The following SEMA3D variants were observed in gnomAD, a reference collection of about 807,000 sequenced individuals.
SEMA3D encodes the protein semaphorin-3D.
In SEMA3D, 84 loss-of-function variants were observed where a neutral mutation model predicts 100.1. That is an observed-to-expected ratio of 0.84 (90% CI 0.70 to 1.01). SEMA3D has a LOEUF of 1.01. Among genes scored for constraint, SEMA3D ranks in the 50% least tolerant of loss-of-function variants. SEMA3D has a pLI of 0.00. For synonymous variants in SEMA3D, 312 were observed against 320.7 expected, an observed-to-expected ratio of 0.97 and a Z score of 0.29; for missense variants, 875 against 934.1, an observed-to-expected ratio of 0.94 and a Z score of 0.82.
At chr7:85,213,099 T>A in the SEMA3D span, among the ~76,000 whole-genome samples, 5 of 152,048 alleles carry the variant, frequency 3.3e-5, no homozygotes, top group South Asian at 1.0e-3. Context: ...TTTTCCCAGG[T>A]GTTAAGCAAT....
At chr7:85,042,436 GA>G (rs1309140274) in intron 9 of SEMA3D, 151 bp from the exon 10 acceptor site, 1 of 614,592 alleles carries the variant, frequency 1.6e-6, no homozygotes, top group East Asian at 2.7e-5. Context: ...TTAAAATAAG[GA>G]AAAAGACAGT....
chr7:85,160,102 TA>T (rs1230063385), intron 1 of SEMA3D: 10 of 906,834 alleles, frequency 1.1e-5, no homozygotes, highest in Non-Finnish European at 1.3e-5. Context: ...TCCACTTTGA[TA>T]AAATTGAGTT....
At chr7:85,244,137 C>T in the SEMA3D span, among the ~76,000 whole-genome samples, 1 of 152,154 alleles carries the variant, frequency 6.6e-6, no homozygotes, top group Non-Finnish European at 1.5e-5. Context: ...ATGGAACTGG[C>T]ATCTGCTTAG....
At chr7:85,157,406 T>C (rs755748913) in intron 1 of SEMA3D, among the ~76,000 whole-genome samples, 3 of 152,166 alleles carry the variant, frequency 2.0e-5, no homozygotes, top group Non-Finnish European at 2.9e-5. Context: ...CCTGGAAAGA[T>C]GCTTTTATAA....
At chr7:85,135,694 G>GA (rs1397399732) in intron 2 of SEMA3D, among the ~76,000 whole-genome samples, 3 of 141,648 alleles carry the variant, frequency 2.1e-5, no homozygotes, top group Non-Finnish European at 4.6e-5. Flanking sequence ...CATTAAAAAA[G>GA]AAAAAATTAG....
chr7:85,121,659 T>C, intron 3 of SEMA3D, 82 bp downstream of exon 3: 2 of 793,668 alleles, frequency 2.5e-6, no homozygotes, highest in Non-Finnish European at 3.9e-6. Context: ...TCAATATGCT[T>C]TTCTAAAAAG....
chr7:85,035,592 A>G (rs188105006), intron 12 of SEMA3D, among the ~76,000 whole-genome samples: 27 of 152,112 alleles, frequency 1.8e-4, no homozygotes, highest in African/African-American at 6.3e-4. Flanking sequence ...AGGGAGCAAA[A>G]TGGGAAGTTA....
At chr7:85,186,212 CTCCCCGGATG>C (rs1266962275) in intron 1 of SEMA3D, among the ~76,000 whole-genome samples, 1 of 152,194 alleles carries the variant, frequency 6.6e-6, no homozygotes, top group Non-Finnish European at 1.5e-5. Flanking sequence ...TGGTCAAGTA[CTCCCCGGATG>C]TTCCCGACTA....
At chr7:85,194,433 C>G in the SEMA3D span, among the ~76,000 whole-genome samples, 1 of 152,024 alleles carries the variant, frequency 6.6e-6, no homozygotes, top group African/African-American at 2.4e-5. Context: ...TTCGTCTAAT[C>G]CATTTTCTGT....
intron 12 of SEMA3D, among the ~76,000 whole-genome samples, chr7:85,030,107 C>T (rs1333822792): frequency 6.6e-6 from 1 of 151,690 alleles, no homozygotes; most frequent in African/African-American, 2.4e-5. Flanking sequence ...TGCTTCTTAC[C>T]ATGTTATGAT....
intron 2 of SEMA3D, among the ~76,000 whole-genome samples, chr7:85,129,304 G>A (rs1789658018): frequency 6.6e-6 from 1 of 152,168 alleles, no homozygotes; most frequent in Non-Finnish European, 1.5e-5. Context: ...ACATAGGAAC[G>A]ACAGATAAAT....
chr7:85,032,560 A>T (rs539920552), intron 12 of SEMA3D, among the ~76,000 whole-genome samples: 1 of 152,080 alleles, frequency 6.6e-6, no homozygotes, highest in African/African-American at 2.4e-5. Context: ...AAAGCCTGCA[A>T]ACATGTTAGT....
At chr7:85,203,107 T>C in the SEMA3D span, among the ~76,000 whole-genome samples, 1 of 152,200 alleles carries the variant, frequency 6.6e-6, no homozygotes, top group Non-Finnish European at 1.5e-5. Context: ...CCTCATATTG[T>C]CTCTCTTTTC....
At chr7:85,091,674 G>A (rs935427904) in intron 4 of SEMA3D, among the ~76,000 whole-genome samples, 4 of 152,068 alleles carry the variant, frequency 2.6e-5, no homozygotes, top group Middle Eastern at 3.4e-3. Flanking sequence ...TTACTATGTC[G>A]TTTCGAATAA....
intron 4 of SEMA3D, among the ~76,000 whole-genome samples, chr7:85,097,411 GA>G (rs754856797): frequency 1.3e-5 from 2 of 151,742 alleles, no homozygotes; most frequent in African/African-American, 2.4e-5. Context: ...GCTTATTTGT[GA>G]ACTGAAAGTT....
At chr7:85,094,270 T>C (rs1207926452) in intron 4 of SEMA3D, among the ~76,000 whole-genome samples, 1 of 151,992 alleles carries the variant, frequency 6.6e-6, no homozygotes, top group Non-Finnish European at 1.5e-5. Flanking sequence ...TTTATTCAAG[T>C]TCCTAAGAAA....
intron 9 of SEMA3D, among the ~76,000 whole-genome samples, chr7:85,051,938 GC>G (rs1441504742): frequency 6.6e-6 from 1 of 151,852 alleles, no homozygotes; most frequent in Non-Finnish European, 1.5e-5. Flanking sequence ...CATGAGTCAT[GC>G]CAGTCATATT....
intron 2 of SEMA3D, among the ~76,000 whole-genome samples, chr7:85,150,814 T>A (rs1790358529): frequency 6.6e-6 from 1 of 151,974 alleles, no homozygotes; most frequent in South Asian, 2.1e-4. Context: ...GGTGCCACAA[T>A]TAAGCCACAC....
chr7:85,148,969 AAAT>A (rs1232178689), intron 2 of SEMA3D, among the ~76,000 whole-genome samples: 1 of 152,208 alleles, frequency 6.6e-6, no homozygotes, highest in South Asian at 2.1e-4. Context: ...AAACTTTTTA[AAAT>A]AATATTTTAT....
Sources: gnomAD v4.1 joint callset for allele counts (sites outside exome capture counted in the v4.1 genomes callset) on GRCh38, gnomAD v4.1.1 for gene constraint, MANE v1.5 for transcripts, NCBI Gene and HGNC (gene_info 2026-07-23, HGNC 2026-07-21) for gene names.